PEAK1: variants seen among roughly 807,000 people sequenced by gnomAD.
The protein encoded by PEAK1 is inactive tyrosine-protein kinase PEAK1.
Under a neutral mutation model 124.7 loss-of-function variants are expected in PEAK1, and 54 were observed. The ratio of observed to expected loss-of-function variants is 0.43; its 90% CI spans 0.35 to 0.54. The LOEUF (loss-of-function observed/expected upper bound fraction) is 0.54, where lower values mean the gene tolerates loss of function less well. Ranked by LOEUF, PEAK1 falls within the 20% of genes least tolerant of loss-of-function variation. The pLI, the probability that PEAK1 is intolerant of heterozygous loss-of-function variation, is 0.01. For missense variants in PEAK1, 2,046 were observed against 2,134.5 expected, an observed-to-expected ratio of 0.96 and a Z score of 0.82; for synonymous variants, 719 against 760.0, an observed-to-expected ratio of 0.95 and a Z score of 0.89.
At chr15:77,173,923 A>G (rs374773845) in intron 7 of PEAK1, among the ~76,000 whole-genome samples, 38 of 152,358 alleles carry the variant, frequency 2.5e-4, no homozygotes, top group East Asian at 1.3e-3. Flanking sequence ...TTGAGGGTAG[A>G]GGGCCTAATA....
intron 1 of PEAK1, among the ~76,000 whole-genome samples, chr15:77,398,935 C>CA (rs927671006): frequency 6.7e-6 from 1 of 149,784 alleles, no homozygotes; most frequent in East Asian, 2.0e-4. Context: ...AACCAACATA[C>CA]AAAAAAAAGT....
intron 5 of PEAK1, among the ~76,000 whole-genome samples, chr15:77,261,562 A>G (rs564238188): frequency 1.4e-4 from 21 of 152,108 alleles, no homozygotes; most frequent in African/African-American, 4.6e-4. Context: ...GTTTAGAAAA[A>G]AAGAATAAAA....
chr15:77,152,670 C>T (rs2054754923), intron 8 of PEAK1, among the ~76,000 whole-genome samples: 1 of 152,174 alleles, frequency 6.6e-6, no homozygotes, highest in South Asian at 2.1e-4. Flanking sequence ...CCCATCAATA[C>T]CTCATTTATT....
At chr15:77,356,960 A>T (rs1306350812) in intron 2 of PEAK1, among the ~76,000 whole-genome samples, 7 of 152,220 alleles carry the variant, frequency 4.6e-5, no homozygotes, top group Non-Finnish European at 8.8e-5. Flanking sequence ...CAAGATACAG[A>T]AGTAAGTTTA....
At chr15:77,386,544 T>C (rs2069956921) in intron 1 of PEAK1, among the ~76,000 whole-genome samples, 1 of 152,064 alleles carries the variant, frequency 6.6e-6, no homozygotes, top group South Asian at 2.1e-4. Context: ...GCTTTGTTCA[T>C]ACCCATCAGA....
intron 7 of PEAK1, among the ~76,000 whole-genome samples, chr15:77,162,322 T>G (rs930304321): frequency 6.6e-6 from 1 of 151,542 alleles, no homozygotes; most frequent in South Asian, 2.1e-4. Flanking sequence ...GGTGAAACCC[T>G]ATCTCTACTA....
intron 6 of PEAK1, among the ~76,000 whole-genome samples, chr15:77,198,718 T>G (rs1161811526): frequency 1.3e-5 from 2 of 152,200 alleles, no homozygotes; most frequent in Non-Finnish European, 2.9e-5. Context: ...AGTGAGGTCA[T>G]TATATGACAA....
intron 6 of PEAK1, among the ~76,000 whole-genome samples, chr15:77,227,627 A>G (rs1351214126): frequency 6.6e-6 from 1 of 152,186 alleles, no homozygotes; most frequent in Non-Finnish European, 1.5e-5. Context: ...AAAATGTTTT[A>G]TGCTGTTTTG....
At chr15:77,168,386 CAGGGGTAA>C (rs1176600154) in intron 7 of PEAK1, among the ~76,000 whole-genome samples, 3 of 152,094 alleles carry the variant, frequency 2.0e-5, no homozygotes, top group Non-Finnish European at 2.9e-5. Context: ...TATGGCTTAC[CAGGGGTAA>C]GCGAACTTCT....
chr15:77,136,383 T>C (rs555864315), intron 8 of PEAK1, among the ~76,000 whole-genome samples: 7 of 152,144 alleles, frequency 4.6e-5, no homozygotes, highest in Admixed American at 1.3e-4. Context: ...TCAGAAAATT[T>C]GGTTTGGCGC....
At chr15:77,225,647 G>GTGTGTGTA (rs1271099880) in intron 6 of PEAK1, among the ~76,000 whole-genome samples, 2 of 122,274 alleles carry the variant, frequency 1.6e-5, no homozygotes, top group African/African-American at 5.9e-5. Context: ...GTGTGTGTGT[G>GTGTGTGTA]TGTGTGTGTG....
At chr15:77,345,891 T>TA (rs1230939090) in intron 2 of PEAK1, 11 of 979,888 alleles carry the variant, frequency 1.1e-5, no homozygotes, top group Non-Finnish European at 1.3e-5. Context: ...ATAAGTAATT[T>TA]AAAAAAATCA....
At chr15:77,411,041 G>C (rs2072366791) in intron 1 of PEAK1, among the ~76,000 whole-genome samples, 1 of 152,058 alleles carries the variant, frequency 6.6e-6, no homozygotes, top group Admixed American at 6.6e-5. Context: ...GGTTTACCAG[G>C]CTACATGTTG....
In PEAK1 at chr15:77,132,963, T is replaced by C. The variant is rs564009522; in HGVS notation, c.4077+42A>G. 483 of 1,539,024 alleles carry C rather than the reference T, an allele frequency of 3.1e-4. 5 individuals are homozygous for C. In the South Asian group the frequency reaches 5.6e-3, roughly 18 times the overall value. ...GAATGAATCCATCCCAGTAACAATG[T>C]AGTGGTTAAGACTTAACATGAGATT... On this transcript the variant is annotated intron_variant, in intron 9 of 9. Coordinates refer to ENST00000682557, the MANE Select transcript of PEAK1 (RefSeq NM_001385026.1).
intron 2 of PEAK1, chr15:77,348,517 C>T: frequency 1.0e-6 from 1 of 964,694 alleles, no homozygotes; most frequent in African/African-American, 1.8e-5. Flanking sequence ...ACAGGCCAAA[C>T]TCCTTTATTT....
rs995851853 is a variant in PEAK1, at chr15:77,252,545, A to T, written c.-274-19T>A. Reference sequence around the variant, plus strand: ...ATGTTTACTGCAAGAGAAAAAAAATAGAGCAAAACTGGAGAGTAATATAAT... The same window carrying T: ...ATGTTTACTGCAAGAGAAAAAAAATTGAGCAAAACTGGAGAGTAATATAAT... On this transcript the variant is annotated intron_variant, in intron 5 of 9. Coordinates refer to ENST00000682557, the MANE Select transcript of PEAK1 (RefSeq NM_001385026.1). 1.0e-6 allele frequency: 1 copy of T among 975,294 alleles called. No homozygotes were observed. The highest frequency in any genetic ancestry group is 1.2e-6 in the Non-Finnish European group (1 of 820,842). 60.4% of individuals were successfully genotyped at this position (975,294 alleles called of 1,614,324 possible). A position where few individuals can be genotyped will look rare whatever the true frequency, so the allele number is the denominator to read the frequency against.
At chr15:77,224,574 T>A (rs2059544541) in intron 6 of PEAK1, among the ~76,000 whole-genome samples, 1 of 152,004 alleles carries the variant, frequency 6.6e-6, no homozygotes, top group Non-Finnish European at 1.5e-5. Context: ...ACAAAGATAT[T>A]CAGTTCAGTA....
chr15:77,413,368 G>C (rs939016922), intron 1 of PEAK1, among the ~76,000 whole-genome samples: 2 of 152,180 alleles, frequency 1.3e-5, no homozygotes, highest in African/African-American at 2.4e-5. Flanking sequence ...TAACTTTACA[G>C]TGGACAAACC....
intron 2 of PEAK1, among the ~76,000 whole-genome samples, chr15:77,308,051 A>G (rs558148731): frequency 6.6e-6 from 1 of 152,228 alleles, no homozygotes; most frequent in South Asian, 2.1e-4. Context: ...AATGTTGAAA[A>G]CAGAATAAAT....
Sources: gnomAD v4.1 joint callset for allele counts (sites outside exome capture counted in the v4.1 genomes callset) on GRCh38, gnomAD v4.1.1 for gene constraint, MANE v1.5 for transcripts, NCBI Gene and HGNC (gene_info 2026-07-23, HGNC 2026-07-21) for gene names.